The following ASAH1 variants were observed in gnomAD, a reference collection of about 807,000 sequenced individuals.
ASAH1 encodes acid ceramidase.
ASAH1 carries 70 observed loss-of-function variants against 59.5 expected under a neutral mutation model. The ratio of observed to expected loss-of-function variants is 1.18; its 90% CI spans 0.97 to 1.43. The LOEUF is 1.43. Among genes scored for constraint, ASAH1 ranks in the 40% most tolerant of loss-of-function variants. The pLI, the probability that ASAH1 is intolerant of heterozygous loss-of-function variation, is 0.00. For missense variants in ASAH1, 660 were observed against 482.5 expected (o/e 1.37, Z -3.45); for synonymous variants, 213 against 166.5 (o/e 1.28, Z -2.15).
chr8:18,084,658 A>C, upstream of ASAH1: 1 of 1,613,164 alleles, frequency 6.2e-7, no homozygotes, highest in East Asian at 2.2e-5. Flanking sequence ...CGGGTCCTCC[A>C]AGCTGTTGGT....
At chr8:18,062,468 G>A (rs1306317576) in intron 7 of ASAH1, 45 bp from the exon 8 acceptor site, 2 of 1,606,668 alleles carry the variant, frequency 1.2e-6, no homozygotes, top group Middle Eastern at 1.6e-4. Context: ...CACAGTGATA[G>A]TAATGATCAA....
intron 7 of ASAH1, chr8:18,062,955 C>G: frequency 2.0e-6 from 1 of 491,684 alleles, no homozygotes; most frequent in Non-Finnish European, 3.7e-6. Context: ...ACTGCAACCT[C>G]CGCCTCGCAG....
rs899394972 is a variant in ASAH1 at position 18,064,804 on chromosome 8, A to T, written c.383-273T>A. ...CAACATCACATCCAAAATGTTTATC[A>T]ACATGCTTCATTTTGAATTTTCTTT... is the stretch of plus-strand genomic sequence containing the variant. On this transcript the variant is annotated intron_variant, in intron 5 of 13. Transcript: ENST00000637790. 3 of 367,658 alleles carry T rather than the reference A, an allele frequency of 8.2e-6. No homozygotes were observed. The East Asian group carries it at 1.4e-4, about 17-fold the overall frequency. The allele number at this position is 367,658 out of a possible 1,614,324, so 22.8% of individuals were successfully genotyped here.
In ASAH1 at chr8:18,058,846, C is replaced by T. The variant is rs1211610328; in HGVS notation, c.1087G>A (p.Val363Ile). Residue 363 changes from valine (V) to isoleucine (I), a missense_variant, in exon 13 of 14, where the codon GTC (valine) becomes ATC (isoleucine). By Grantham distance (29) the Val-to-Ile change is conservative. Transcript: ENST00000637790. ...TMYDVLSTKPVLNKLTVYTTL... is the reference protein window; with the variant it reads ...TMYDVLSTKPILNKLTVYTTL... ...AACATTTAAAATACCTTGTTGAGGA[C>T]AGGTTTTGTTGACAGGACATCATAC... The T allele has an allele frequency of 6.2e-7, 1 of 1,611,848 alleles. No homozygotes were observed. Among genetic ancestry groups the T allele is most frequent in the East Asian group, 2.2e-5 (1 of 44,864 alleles).
intron 4 of ASAH1, among the ~76,000 whole-genome samples, chr8:18,069,120 T>A: frequency 7.9e-6 from 1 of 126,858 alleles, no homozygotes. Context: ...CAGCCTGGGC[T>A]ACAGAGTGAG....
intron 5 of ASAH1, 111 bp from the exon 6 acceptor site, chr8:18,064,642 A>C: frequency 2.8e-6 from 2 of 711,936 alleles, no homozygotes; most frequent in East Asian, 5.4e-5. Context: ...TGCTTTGGCC[A>C]GTGGGGCTGT....
intron 1 of ASAH1, among the ~76,000 whole-genome samples, chr8:18,078,114 G>A (rs1259942850): frequency 6.6e-6 from 1 of 151,972 alleles, no homozygotes; most frequent in Non-Finnish European, 1.5e-5. Flanking sequence ...CGTAGTTCAG[G>A]GCTTCTGGTG....
chr8:18,063,439 G>A (rs573978749), intron 6 of ASAH1: 1 of 536,622 alleles, frequency 1.9e-6, no homozygotes, highest in Non-Finnish European at 3.3e-6. Flanking sequence ...ACGTAGTTGG[G>A]ATTACAGACA....
At chr8:18,084,892 A>G, upstream of ASAH1, 2 of 1,543,414 alleles carry the variant, frequency 1.3e-6, no homozygotes, top group African/African-American at 1.4e-5. Context: ...GTAGCTCGGC[A>G]GGGGGACTCG....
intron 1 of ASAH1, among the ~76,000 whole-genome samples, chr8:18,079,362 A>G (rs1800554270): frequency 6.6e-6 from 1 of 151,774 alleles, no homozygotes; most frequent in Non-Finnish European, 1.5e-5. Flanking sequence ...TGGTTATTTG[A>G]TAGAAACTTA....
chr8:18,067,557 G>A (rs1391067848), intron 4 of ASAH1: 1 of 175,592 alleles, frequency 5.7e-6, no homozygotes, highest in African/African-American at 2.4e-5. Flanking sequence ...TGTTTTTCCT[G>A]CCTTATTTTT....
At chr8:18,084,179 G>T (rs908973184), upstream of ASAH1, 3 of 1,541,314 alleles carry the variant, frequency 1.9e-6, no homozygotes, top group Non-Finnish European at 2.6e-6. Flanking sequence ...CACCATTCCA[G>T]GCAGTAGGGG....
intron 2 of ASAH1, among the ~76,000 whole-genome samples, chr8:18,074,406 A>G (rs1452226334): frequency 6.6e-6 from 1 of 151,884 alleles, no homozygotes; most frequent in African/African-American, 2.4e-5. Context: ...AGTTTATTAC[A>G]GTTTCACGCT....
Position 18,084,067 on chromosome 8 carries a change from C to T in ASAH1, c.-9G>A, listed in dbSNP as rs759227096. 2 of 1,598,466 alleles carry T rather than the reference C, an allele frequency of 1.3e-6. No homozygotes were observed. The highest frequency in any genetic ancestry group is 1.1e-5 in the South Asian group (1 of 91,068). ...CAACTCCGGCCCGGCATCGCTCTAG[C>T]AGCCAACGCCACTCCCCGGACTCCA... On this transcript the variant is annotated 5_prime_UTR_variant, in exon 1 of 14. Coordinates refer to ENST00000637790, the MANE Select transcript of ASAH1 (RefSeq NM_177924.5).
In ASAH1 at chr8:18,056,290, G is replaced by T. The variant is rs532709363; in HGVS notation, c.*1244C>A. 6.6e-6 allele frequency: 1 copy of T among 152,282 alleles called. No homozygotes were observed. Among genetic ancestry groups the T allele is most frequent in the African/African-American group, 2.4e-5 (1 of 41,558 alleles). The allele number at this position is 152,282 out of a possible 1,614,324, so 9.4% of individuals were successfully genotyped here. A position where few individuals can be genotyped will look rare whatever the true frequency, so the allele number is the denominator to read the frequency against. On this transcript the variant is annotated 3_prime_UTR_variant, in exon 14 of 14. Coordinates refer to ENST00000637790, the MANE Select transcript of ASAH1 (RefSeq NM_177924.5). The stretch of plus-strand genomic sequence containing the variant: ...AAGAGGTGGTATCAGTCATGTAAGA[G>T]TAAGATTGTGACCGTTTAGTCATAT...
chr8:18,080,759 T>A (rs747279732), intron 1 of ASAH1, among the ~76,000 whole-genome samples: 4 of 152,152 alleles, frequency 2.6e-5, no homozygotes, highest in Non-Finnish European at 4.4e-5. Context: ...GGTTTCTCCA[T>A]GTTGGCCAGG....
At chr8:18,075,509 A>C in intron 2 of ASAH1, 32 bp downstream of exon 2, 2 of 1,612,072 alleles carry the variant, frequency 1.2e-6, no homozygotes, top group Non-Finnish European at 1.7e-6. Flanking sequence ...ACAAAGGTCA[A>C]AGGGAGTTTT....
upstream of ASAH1, chr8:18,084,851 C>T (rs1170705727): frequency 1.2e-6 from 2 of 1,604,732 alleles, no homozygotes; most frequent in Non-Finnish European, 1.7e-6. Flanking sequence ...GTGGGCGGAG[C>T]AGAGCTCAGC....
intron 4 of ASAH1, chr8:18,068,186 C>G (rs549596458): frequency 1.3e-5 from 2 of 152,130 alleles, no homozygotes; most frequent in African/African-American, 4.8e-5. Context: ...TATTATTCTC[C>G]CTGATGAGAA....
Sources: gnomAD v4.1 joint callset for allele counts (sites outside exome capture counted in the v4.1 genomes callset) on GRCh38, gnomAD v4.1.1 for gene constraint, MANE v1.5 for transcripts, NCBI Gene and HGNC (gene_info 2026-07-23, HGNC 2026-07-21) for gene names.